The following ZCCHC14 variants were observed in gnomAD, a reference collection of about 807,000 sequenced individuals.
ZCCHC14 encodes the protein zinc finger CCHC domain-containing protein 14.
In ZCCHC14, 16 loss-of-function variants were observed where a neutral mutation model predicts 85.0. The ratio of observed to expected loss-of-function variants is 0.19; its 90% CI spans 0.13 to 0.29. ZCCHC14 has a LOEUF of 0.29. Among genes scored for constraint, ZCCHC14 ranks in the 10% least tolerant of loss-of-function variants. The probability of loss-of-function intolerance (pLI) is 1.00; values close to 1 mark genes in which losing one functional copy is unlikely to be tolerated. For synonymous variants in ZCCHC14, 775 were observed against 630.7 expected (o/e 1.23, Z -3.43); for missense variants, 1,303 against 1,443.5 (o/e 0.90, Z 1.58).
chr16:87,419,988 G>T (rs113799975), intron 5 of ZCCHC14, 111 bp from the exon 6 acceptor site: 4 of 746,558 alleles, frequency 5.4e-6, no homozygotes, highest in Non-Finnish European at 8.3e-6. Flanking sequence ...GAGGAAAAAA[G>T]CCAGAAGTGC....
chr16:87,481,966 G>T (rs1597454557), intron 1 of ZCCHC14, among the ~76,000 whole-genome samples: 1 of 152,306 alleles, frequency 6.6e-6, no homozygotes, highest in Non-Finnish European at 1.5e-5. Context: ...AGGGGAAAGG[G>T]CGAGAGAGCC....
At chr16:87,449,330 T>C (rs1226944250) in intron 2 of ZCCHC14, among the ~76,000 whole-genome samples, 1 of 151,986 alleles carries the variant, frequency 6.6e-6, no homozygotes. Flanking sequence ...TCTCTAAAAC[T>C]CTGAAGAGAA....
intron 2 of ZCCHC14, among the ~76,000 whole-genome samples, chr16:87,449,082 C>T (rs757782687): frequency 1.3e-5 from 2 of 152,216 alleles, no homozygotes; most frequent in African/African-American, 4.8e-5. Context: ...CCAGCCACTA[C>T]GGCCTGAACA....
intron 2 of ZCCHC14, among the ~76,000 whole-genome samples, chr16:87,439,790 C>T (rs1463418962): frequency 6.6e-6 from 1 of 152,128 alleles, no homozygotes; most frequent in Non-Finnish European, 1.5e-5. Context: ...ATACAGGTAA[C>T]CACATCAATT....
chr16:87,489,349 G>C lies in ZCCHC14; in HGVS notation c.570+2320C>G, dbSNP rs149049422. On this transcript the variant is annotated intron_variant, in intron 1 of 12. Coordinates refer to ENST00000671377, the MANE Select transcript of ZCCHC14 (RefSeq NM_015144.3). ...CAAAGATGAAACAAAAAAATTGTCA[G>C]CTCCAAGTAACTACTCAAAAACCAA... Among the ~76,000 whole-genome samples the C allele has an allele frequency of 1.5e-3, 232 of 152,266 alleles. 1 individual carries two copies. The highest frequency in any genetic ancestry group is 5.4e-3 in the African/African-American group (224 of 41,548).
At chr16:87,487,921 G>A (rs552706766) in intron 1 of ZCCHC14, among the ~76,000 whole-genome samples, 59 of 150,510 alleles carry the variant, frequency 3.9e-4, no homozygotes, top group Middle Eastern at 6.8e-3. Context: ...TATATGCAAC[G>A]TCCAAAAAAG....
intron 2 of ZCCHC14, among the ~76,000 whole-genome samples, chr16:87,438,335 T>C (rs1289065515): frequency 1.3e-5 from 2 of 152,260 alleles, no homozygotes; most frequent in Non-Finnish European, 2.9e-5. Flanking sequence ...ACAAGAATGA[T>C]ATTATGAAAC....
chr16:87,487,352 G>A (rs549063197), intron 1 of ZCCHC14, among the ~76,000 whole-genome samples: 1 of 152,366 alleles, frequency 6.6e-6, no homozygotes, highest in Admixed American at 6.5e-5. Flanking sequence ...CATACCCTGA[G>A]GATGCTGAAA....
chr16:87,459,140 C>T (rs906677753), intron 2 of ZCCHC14, among the ~76,000 whole-genome samples: 5 of 152,156 alleles, frequency 3.3e-5, no homozygotes, highest in South Asian at 2.1e-4. Flanking sequence ...TCCACGTGTA[C>T]GTTAAAGAAA....
At position 87,432,513 on chromosome 16, in the gene ZCCHC14, G is replaced by A. The variant is rs189110195; in HGVS notation, c.768+615C>T. Among the ~76,000 whole-genome samples the A allele has an allele frequency of 4.7e-4, 71 of 152,308 alleles. 1 individual carries two copies. The highest frequency in any genetic ancestry group is 1.6e-3 in the Admixed American group (24 of 15,304). ...AGGGCCACATCCTAGGGATGGCACA[G>A]AGTAGCCAGAGGGGGCCTGTACCCC... On this transcript the variant is annotated intron_variant, in intron 3 of 12. Coordinates refer to ENST00000671377, the MANE Select transcript of ZCCHC14 (RefSeq NM_015144.3).
chr16:87,455,497 A>G (rs1910913225), intron 2 of ZCCHC14, among the ~76,000 whole-genome samples: 1 of 152,180 alleles, frequency 6.6e-6, no homozygotes, highest in African/African-American at 2.4e-5. Flanking sequence ...GGGCTCATAG[A>G]GGGCGCAAAG....
At chr16:87,479,230 AC>A (rs1912158527) in intron 1 of ZCCHC14, among the ~76,000 whole-genome samples, 2 of 151,974 alleles carry the variant, frequency 1.3e-5, no homozygotes, top group South Asian at 4.1e-4. Context: ...AACCTGACCA[AC>A]ATAGTGAAAC....
intron 1 of ZCCHC14, among the ~76,000 whole-genome samples, chr16:87,476,062 G>A (rs1290758423): frequency 6.6e-6 from 1 of 152,174 alleles, no homozygotes; most frequent in Non-Finnish European, 1.5e-5. Context: ...ACAGGGTCTC[G>A]ACTTCTCTCA....
rs1322247409 is a variant in ZCCHC14 at position 87,423,661 on chromosome 16, G to A, written c.840+149C>T. On this transcript the variant is annotated intron_variant, in intron 4 of 12. Transcript: ENST00000671377. ...AACGCTCATGTCAGCAGCGGGCCTG[G>A]GACTCCACTGTGGCTGGGCAGGAGG... The A allele has an allele frequency of 3.8e-6, 3 of 799,644 alleles. No homozygotes were observed. In the African/African-American group the frequency reaches 5.2e-5, roughly 14 times the overall value. The allele number at this position is 799,644 out of a possible 1,614,324, so 49.5% of individuals were successfully genotyped here.
Position 87,431,871 on chromosome 16 carries a change from C to T in ZCCHC14, c.768+1257G>A, listed in dbSNP as rs958860574. Among the ~76,000 whole-genome samples the T allele has an allele frequency of 3.9e-5, 6 of 152,184 alleles. No homozygotes were observed. In the East Asian group the frequency reaches 5.8e-4, roughly 15 times the overall value. On this transcript the variant is annotated intron_variant, in intron 3 of 12. Coordinates refer to ENST00000671377, the MANE Select transcript of ZCCHC14 (RefSeq NM_015144.3). ...TTCCCTGGGCTCCGCCTGGGCTGCA[C>T]GACATGAGACCCAGAAACTCCGTGG...
At chr16:87,481,967 C>T (rs943529803) in intron 1 of ZCCHC14, among the ~76,000 whole-genome samples, 3 of 152,136 alleles carry the variant, frequency 2.0e-5, no homozygotes, top group Non-Finnish European at 2.9e-5. Context: ...GGGGAAAGGG[C>T]GAGAGAGCCA....
intron 1 of ZCCHC14, among the ~76,000 whole-genome samples, chr16:87,489,762 G>C (rs117087388): frequency 0.016 from 2,502 of 152,296 alleles, 25 homozygotes; most frequent in Middle Eastern, 0.048. Context: ...TTCACAGAAA[G>C]GCTCTCCTAT....
Position 87,412,807 on chromosome 16 carries a change from G to A in ZCCHC14, c.1914C>T (p.Ala638=). 1 of 1,612,242 alleles carries A rather than the reference G, an allele frequency of 6.2e-7. No individual in the cohort carries two copies. The highest frequency in any genetic ancestry group is 8.5e-7 in the Non-Finnish European group (1 of 1,178,834). Residue 638 remains alanine, a synonymous_variant, in exon 12 of 13, where the codon GCC becomes GCT. Transcript: ENST00000671377. The stretch of plus-strand genomic sequence containing the variant: ...GCATGCGGATGGGTGTGATGTGTGA[G>A]GCTGCGCTCAGCATCTGCGGGGGCA... ...HPLPPQMLSA[A]SHITPIRMLN... is the part of the protein sequence containing the mutation.
At chr16:87,417,416 A>C in intron 8 of ZCCHC14, 44 bp downstream of exon 8, 1 of 1,596,542 alleles carries the variant, frequency 6.3e-7, no homozygotes, top group Non-Finnish European at 8.6e-7. Context: ...GTCTTGAGTA[A>C]ACAATCTAGC....
Sources: gnomAD v4.1 joint callset for allele counts (sites outside exome capture counted in the v4.1 genomes callset) on GRCh38, gnomAD v4.1.1 for gene constraint, MANE v1.5 for transcripts, NCBI Gene and HGNC (gene_info 2026-07-23, HGNC 2026-07-21) for gene names.